ARID1B: variants seen among roughly 807,000 people sequenced by gnomAD.
ARID1B encodes the protein AT-rich interactive domain-containing protein 1B.
A neutral mutation model predicts 212.3 loss-of-function variants in ARID1B; 30 were observed. The observed-to-expected ratio is 0.14, with a 90% CI of 0.11 to 0.19. The LOEUF (loss-of-function observed/expected upper bound fraction) is 0.19, where lower values mean the gene tolerates loss of function less well. Among genes scored for constraint, ARID1B ranks in the 10% least tolerant of loss-of-function variants. ARID1B has a pLI of 1.00. For missense variants in ARID1B, 2,891 were observed against 3,204.0 expected, an observed-to-expected ratio of 0.90 and a Z score of 2.36; for synonymous variants, 1,402 against 1,301.7, an observed-to-expected ratio of 1.08 and a Z score of -1.66.
At chr6:156,966,706 TG>T (rs1430731650) in intron 4 of ARID1B, among the ~76,000 whole-genome samples, 2 of 151,158 alleles carry the variant, frequency 1.3e-5, no homozygotes, top group South Asian at 4.2e-4. Flanking sequence ...TAAATAACTT[TG>T]TTTTTTTGCT....
intron 1 of ARID1B, among the ~76,000 whole-genome samples, chr6:156,787,557 A>G (rs1405134003): frequency 1.3e-5 from 2 of 152,210 alleles, no homozygotes; most frequent in South Asian, 2.1e-4. Context: ...CAGTGACCAT[A>G]TATCAAGCTA....
chr6:156,866,074 T>C lies in ARID1B; in HGVS notation c.1987-35302T>C, dbSNP rs117947916. On this transcript the variant is annotated intron_variant, in intron 2 of 19. Transcript: ENST00000636930. Reference sequence around the variant, plus strand: ...TACTGTGGGGACCTTGGTGGGCTCCTTAGGGAAATCTGGGACATTCCCACT... The same window carrying C: ...TACTGTGGGGACCTTGGTGGGCTCCCTAGGGAAATCTGGGACATTCCCACT... Among the ~76,000 whole-genome samples the C allele has an allele frequency of 2.0e-4, 30 of 152,296 alleles. No individual in the cohort carries two copies. The East Asian group carries it at 5.4e-3, about 28-fold the overall frequency.
chr6:156,874,818 A>G (rs1052285230), intron 2 of ARID1B, among the ~76,000 whole-genome samples: 1 of 152,020 alleles, frequency 6.6e-6, no homozygotes, highest in Non-Finnish European at 1.5e-5. Flanking sequence ...GCTTTAATCC[A>G]TTTCCAGAAC....
At chr6:157,093,705 G>A (rs1279282148) in intron 5 of ARID1B, among the ~76,000 whole-genome samples, 1 of 152,244 alleles carries the variant, frequency 6.6e-6, no homozygotes, top group Non-Finnish European at 1.5e-5. Flanking sequence ...AATGCCAAGA[G>A]TGTGACCTTG....
At chr6:157,028,134 C>T (rs1170336186) in intron 4 of ARID1B, among the ~76,000 whole-genome samples, 1 of 142,408 alleles carries the variant, frequency 7.0e-6, no homozygotes, top group Non-Finnish European at 1.5e-5. Context: ...TGAATTATGA[C>T]CAAATTATAT....
At chr6:156,911,478 T>C (rs1216869776) in intron 3 of ARID1B, among the ~76,000 whole-genome samples, 1 of 150,920 alleles carries the variant, frequency 6.6e-6, no homozygotes, top group Non-Finnish European at 1.5e-5. Context: ...ATTCCTACCC[T>C]ATAGCCACTG....
chr6:156,965,503 ATAAAC>A (rs1794680463), intron 4 of ARID1B, among the ~76,000 whole-genome samples: 3 of 152,258 alleles, frequency 2.0e-5, no homozygotes, highest in Non-Finnish European at 2.9e-5. Flanking sequence ...CGTTAACTGA[ATAAAC>A]TAAGTCTGCA....
chr6:157,081,696 C>T (rs1400393975), intron 4 of ARID1B, among the ~76,000 whole-genome samples: 1 of 152,088 alleles, frequency 6.6e-6, no homozygotes, highest in Admixed American at 6.5e-5. Context: ...AATGCCCATC[C>T]GTGTCACTTT....
chr6:156,875,102 G>A (rs1344861466), intron 2 of ARID1B, among the ~76,000 whole-genome samples: 1 of 152,214 alleles, frequency 6.6e-6, no homozygotes, highest in Non-Finnish European at 1.5e-5. Flanking sequence ...TGAGTATATA[G>A]ATTAAGAGTA....
chr6:156,950,656 C>T (rs1298297623), intron 4 of ARID1B, among the ~76,000 whole-genome samples: 2 of 152,042 alleles, frequency 1.3e-5, no homozygotes, highest in Admixed American at 6.6e-5. Flanking sequence ...CTGCTCTTTC[C>T]GAGTCTTATT....
At chr6:156,868,111 A>C (rs1197336053) in intron 2 of ARID1B, among the ~76,000 whole-genome samples, 1 of 152,148 alleles carries the variant, frequency 6.6e-6, no homozygotes, top group Non-Finnish European at 1.5e-5. Flanking sequence ...CTCAGTACCG[A>C]GCTGTGCACA....
At chr6:157,017,984 T>G (rs1285974722) in intron 4 of ARID1B, among the ~76,000 whole-genome samples, 1 of 101,466 alleles carries the variant, frequency 9.9e-6, no homozygotes, top group African/African-American at 3.3e-5. Context: ...AAAAAAAAAT[T>G]AGCTGGGCAT....
At chr6:157,095,545 C>T (rs1451443037) in intron 5 of ARID1B, among the ~76,000 whole-genome samples, 2 of 152,198 alleles carry the variant, frequency 1.3e-5, no homozygotes, top group South Asian at 2.1e-4. Flanking sequence ...GCTCCATGGG[C>T]GTGCCTGAGA....
Position 156,824,884 on chromosome 6 carries a change from A to T in ARID1B, c.1792-4343A>T, listed in dbSNP as rs539835587. On this transcript the variant is annotated intron_variant, in intron 1 of 19. Transcript: ENST00000636930. ...TTTGATTTTTTTTTTTTTCTTTGAG[A>T]TGGAGTCTTGCTCTGTCACCCAGGG... 7.4e-5 allele frequency among the ~76,000 whole-genome samples: 11 copies of T among 149,116 alleles called. No homozygotes were observed. The South Asian group carries it at 2.1e-3, about 29-fold the overall frequency.
At chr6:156,990,380 C>T (rs530047241) in intron 4 of ARID1B, among the ~76,000 whole-genome samples, 4 of 152,084 alleles carry the variant, frequency 2.6e-5, no homozygotes. Flanking sequence ...CTGTGGCTCA[C>T]ACCTGTAATC....
intron 4 of ARID1B, chr6:156,941,124 G>A (rs1046139229): frequency 6.6e-6 from 1 of 152,218 alleles, no homozygotes; most frequent in Admixed American, 6.5e-5. Flanking sequence ...TTATCTCAGT[G>A]TTCAGGCATG....
At chr6:156,983,877 T>A (rs963723119) in intron 4 of ARID1B, among the ~76,000 whole-genome samples, 1 of 152,164 alleles carries the variant, frequency 6.6e-6, no homozygotes, top group African/African-American at 2.4e-5. Context: ...TGTTAATTTG[T>A]TCCTTCTAGT....
rs1562376815 is a variant in ARID1B, at chr6:156,778,675, G to C, written c.995G>C (p.Gly332Ala). 2.7e-6 allele frequency: 4 copies of C among 1,503,336 alleles called. No individual in the cohort carries two copies. Among genetic ancestry groups the C allele is most frequent in the Non-Finnish European group, 2.7e-6 (3 of 1,125,026 alleles). The allele number at this position is 1,503,336 out of a possible 1,614,324, so 93.1% of individuals were successfully genotyped here. A position where few individuals can be genotyped will look rare whatever the true frequency, so the allele number is the denominator to read the frequency against. ...PASGGPGGRA[G>A]PCFDQHGGQQ... Reference sequence around the variant, plus strand: ...AGCGGCGGCCCCGGCGGCCGCGCTGGGCCTTGCTTTGATCAACATGGCGGA... The same window carrying C: ...AGCGGCGGCCCCGGCGGCCGCGCTGCGCCTTGCTTTGATCAACATGGCGGA... Residue 332 changes from glycine (G) to alanine (A), a missense_variant, in exon 1 of 20, where the codon GGG (glycine) becomes GCG (alanine). By Grantham distance (60) the Gly-to-Ala change is moderately conservative. Transcript: ENST00000636930.
chr6:156,991,162 G>T (rs1402950503), intron 4 of ARID1B, among the ~76,000 whole-genome samples: 1 of 152,192 alleles, frequency 6.6e-6, no homozygotes, highest in African/African-American at 2.4e-5. Flanking sequence ...GGCAGTCTGG[G>T]CCTGCAGATG....
Sources: allele counts gnomAD v4.1 joint callset (sites outside exome capture counted in the v4.1 genomes callset), GRCh38; gene constraint gnomAD v4.1.1; transcripts MANE v1.5; gene names NCBI Gene and HGNC (gene_info 2026-07-23, HGNC 2026-07-21).